The following ARFGEF2 variants were observed in gnomAD, a reference collection of about 807,000 sequenced individuals.
ARFGEF2 encodes the protein ARF guanine nucleotide exchange factor 2.
ARFGEF2 carries 74 observed loss-of-function variants against 219.9 expected under a neutral mutation model. That is an observed-to-expected ratio of 0.34 (90% CI 0.28 to 0.41). The LOEUF (loss-of-function observed/expected upper bound fraction) is 0.41. ARFGEF2 is among the 10% of genes least tolerant of loss of function. ARFGEF2 has a pLI of 1.00. For synonymous variants in ARFGEF2, 733 were observed against 799.2 expected (o/e 0.92, Z 1.40); for missense variants, 1,743 against 2,218.3 (o/e 0.79, Z 4.30).
chr20:48,959,477 TTCTCTTTTCC>T (rs1223162362), intron 6 of ARFGEF2, among the ~76,000 whole-genome samples: 9 of 2,654 alleles, frequency 3.4e-3, no homozygotes, highest in African/African-American at 4.3e-3. Context: ...TCTTCTCTCC[TTCTCTTTTCC>T]TCCCTCCCTC....
intron 2 of ARFGEF2, among the ~76,000 whole-genome samples, 189 bp downstream of exon 2, chr20:48,941,418 A>G (rs755647746): frequency 1.3e-5 from 2 of 152,226 alleles, no homozygotes; most frequent in Non-Finnish European, 2.9e-5. Flanking sequence ...TTCACAGGCT[A>G]CTGCCTCAGT....
At chr20:48,926,858 G>A (rs1021075051) in intron 1 of ARFGEF2, among the ~76,000 whole-genome samples, 2 of 152,212 alleles carry the variant, frequency 1.3e-5, no homozygotes, top group African/African-American at 4.8e-5. Flanking sequence ...GCTGGGTGGG[G>A]AAACGTAGCT....
chr20:48,966,937 C>T (rs1476638195), intron 8 of ARFGEF2, among the ~76,000 whole-genome samples: 1 of 152,036 alleles, frequency 6.6e-6, no homozygotes, highest in African/African-American at 2.4e-5. Flanking sequence ...GCCTTCACTT[C>T]CTGGGCTCAA....
chr20:49,023,050 G>A lies in ARFGEF2; in HGVS notation c.4625-1G>A. 1 of 1,614,090 alleles carries A rather than the reference G, an allele frequency of 6.2e-7. No homozygotes were observed. The highest frequency in any genetic ancestry group is 8.5e-7 in the Non-Finnish European group (1 of 1,180,002). On this transcript the variant is annotated splice_acceptor_variant, in intron 34 of 38. Transcript: ENST00000371917. LOFTEE classifies it high-confidence loss of function. ...GGGTTAATCTTTATCATCTAACATA[G>A]ATCAGAAACTGTTTGCCAGCCTCCT...
intron 15 of ARFGEF2, 27 bp downstream of exon 15, chr20:48,984,867 A>G: frequency 1.2e-6 from 2 of 1,612,128 alleles, no homozygotes; most frequent in Non-Finnish European, 1.7e-6. Flanking sequence ...TAGCACTTGC[A>G]TGTGAGTTCT....
intron 6 of ARFGEF2, 142 bp downstream of exon 6, chr20:48,953,932 C>T: frequency 1.1e-6 from 1 of 903,484 alleles, no homozygotes; most frequent in Non-Finnish European, 1.8e-6. Flanking sequence ...CTTTGCTTTT[C>T]TCTTAGGGAA....
At chr20:48,987,666 C>T (rs2091334091) in intron 16 of ARFGEF2, among the ~76,000 whole-genome samples, 1 of 152,122 alleles carries the variant, frequency 6.6e-6, no homozygotes, top group African/African-American at 2.4e-5. Flanking sequence ...GGGTCAGCAC[C>T]AAGTGTAAGG....
intron 34 of ARFGEF2, among the ~76,000 whole-genome samples, chr20:49,022,834 G>A (rs1422702083): frequency 6.6e-6 from 1 of 151,724 alleles, no homozygotes; most frequent in Admixed American, 6.6e-5. Flanking sequence ...ATTGTGCCTT[G>A]ACTGGGTGTG....
Position 48,990,133 on chromosome 20 carries a change from C to T in ARFGEF2, c.2814+449C>T, listed in dbSNP as rs192892422. Among the ~76,000 whole-genome samples the T allele has an allele frequency of 2.8e-4, 43 of 152,156 alleles. No individual in the cohort carries two copies. In the East Asian group the frequency reaches 4.3e-3, roughly 15 times the overall value. ...GGTGGAGGTTGCGGTGAGCCGAGATCGCGCCATTTTACTCCAGCCTGGGTG... is the reference window on the plus strand; with the variant it reads ...GGTGGAGGTTGCGGTGAGCCGAGATTGCGCCATTTTACTCCAGCCTGGGTG... On this transcript the variant is annotated intron_variant, in intron 20 of 38. Coordinates refer to ENST00000371917, the MANE Select transcript of ARFGEF2 (RefSeq NM_006420.3).
chr20:48,964,034 C>T (rs879432830), intron 7 of ARFGEF2, 136 bp downstream of exon 7: 16 of 782,164 alleles, frequency 2.0e-5, no homozygotes, highest in Non-Finnish European at 3.3e-5. Flanking sequence ...AATCTTCCCA[C>T]GTCTGCCCAT....
chr20:48,960,676 G>C (rs2091142672), intron 6 of ARFGEF2, among the ~76,000 whole-genome samples: 1 of 151,528 alleles, frequency 6.6e-6, no homozygotes, highest in Admixed American at 6.6e-5. Flanking sequence ...TAGAGACTGG[G>C]TTTCTGTTGT....
chr20:48,944,942 A>C (rs1307648087), intron 3 of ARFGEF2, among the ~76,000 whole-genome samples: 1 of 152,200 alleles, frequency 6.6e-6, no homozygotes, highest in Non-Finnish European at 1.5e-5. Context: ...TGTCTTCAAC[A>C]ACAGGCATTT....
At chr20:48,931,514 A>T (rs751753560) in intron 1 of ARFGEF2, among the ~76,000 whole-genome samples, 3 of 152,232 alleles carry the variant, frequency 2.0e-5, no homozygotes, top group Non-Finnish European at 4.4e-5. Flanking sequence ...TACTAAAAAA[A>T]GACTAAAAAA....
At chr20:49,027,990 G>A (rs369188451) in intron 36 of ARFGEF2, among the ~76,000 whole-genome samples, 3 of 152,062 alleles carry the variant, frequency 2.0e-5, no homozygotes, top group Non-Finnish European at 2.9e-5. Flanking sequence ...AGCTGGGTGC[G>A]GTGGCTCCCG....
intron 1 of ARFGEF2, among the ~76,000 whole-genome samples, chr20:48,929,654 C>T (rs1330630275): frequency 6.6e-6 from 1 of 152,142 alleles, no homozygotes; most frequent in Non-Finnish European, 1.5e-5. Flanking sequence ...CTCACTCATT[C>T]ATTGAGAATT....
At position 48,976,146 on chromosome 20, in the gene ARFGEF2, G is replaced by T; in HGVS notation, c.1905G>T (p.Glu635Asp). 2 of 1,614,026 alleles carry T rather than the reference G, an allele frequency of 1.2e-6. No individual in the cohort carries two copies. Among genetic ancestry groups the T allele is most frequent in the Non-Finnish European group, 1.7e-6 (2 of 1,180,026 alleles). ...GTQTTVQDDP[E>D]QFEVIKQQKE... is the part of the protein sequence containing the mutation. ...AGACAACTGTTCAGGATGACCCTGAGCAATTTGAGGTCATCAAGCAACAAA... is the reference window on the plus strand; with the variant it reads ...AGACAACTGTTCAGGATGACCCTGATCAATTTGAGGTCATCAAGCAACAAA... Residue 635 changes from glutamate (E) to aspartate (D), a missense_variant, in exon 14 of 39, where the codon GAG becomes GAT. By Grantham distance (45) the Glu-to-Asp change is conservative. Transcript: ENST00000371917.
intron 6 of ARFGEF2, among the ~76,000 whole-genome samples, chr20:48,958,542 T>A (rs577370451): frequency 4.5e-4 from 68 of 151,962 alleles, no homozygotes; most frequent in African/African-American, 1.4e-3. Context: ...GTTCACGCCA[T>A]TCTCCTGCCT....
At chr20:48,988,786 GAATT>G (rs2091340996) in intron 18 of ARFGEF2, 124 bp downstream of exon 18, 2 of 906,108 alleles carry the variant, frequency 2.2e-6, no homozygotes, top group Admixed American at 4.8e-5. Context: ...AAATGTGATT[GAATT>G]AATTATTGTG....
intron 26 of ARFGEF2, among the ~76,000 whole-genome samples, chr20:49,006,667 T>C (rs1203470843): frequency 6.6e-6 from 1 of 152,048 alleles, no homozygotes; most frequent in Non-Finnish European, 1.5e-5. Context: ...GCATGAGAAT[T>C]ATGAACAGGG....
Sources: gnomAD v4.1 joint callset for allele counts (sites outside exome capture counted in the v4.1 genomes callset) on GRCh38, gnomAD v4.1.1 for gene constraint, MANE v1.5 for transcripts, NCBI Gene and HGNC (gene_info 2026-07-23, HGNC 2026-07-21) for gene names.